Variants in HIP1 observed in about 807,000 individuals in gnomAD.
HIP1 encodes the protein huntingtin interacting protein 1, also known as huntingtin-interacting protein 1.
HIP1 carries 65 observed loss-of-function variants against 147.6 expected under a neutral mutation model. The ratio of observed to expected loss-of-function variants is 0.44; its 90% confidence interval spans 0.36 to 0.54. HIP1 has a LOEUF of 0.54. Among genes scored for constraint, HIP1 ranks in the 20% least tolerant of loss-of-function variants. The pLI, the probability that HIP1 is intolerant of heterozygous loss-of-function variation, is 0.00. For synonymous variants in HIP1, 479 were observed against 504.0 expected (o/e 0.95, Z 0.67); for missense variants, 1,061 against 1,299.6 (o/e 0.82, Z 2.82).
intron 1 of HIP1, among the ~76,000 whole-genome samples, chr7:75,613,534 C>G (rs928095536): frequency 5.3e-5 from 8 of 152,186 alleles, no homozygotes; most frequent in African/African-American, 1.9e-4. Context: ...TGGTAATTTA[C>G]TTCTCATCCG....
chr7:75,602,303 C>CATT (rs1338578461), intron 1 of HIP1, among the ~76,000 whole-genome samples: 1 of 77,266 alleles, frequency 1.3e-5, no homozygotes, highest in Non-Finnish European at 2.3e-5. Flanking sequence ...ACCTGGCCAG[C>CATT]TTTTTTTTTT....
At chr7:75,673,327 T>C (rs1400995553) in intron 1 of HIP1, among the ~76,000 whole-genome samples, 1 of 152,092 alleles carries the variant, frequency 6.6e-6, no homozygotes, top group Non-Finnish European at 1.5e-5. Context: ...CCGGCCTTGT[T>C]CTTCTTTTTC....
At chr7:75,698,360 C>A (rs919663585) in intron 1 of HIP1, among the ~76,000 whole-genome samples, 1 of 152,084 alleles carries the variant, frequency 6.6e-6, no homozygotes, top group Non-Finnish European at 1.5e-5. Context: ...AACTGAGGCA[C>A]AGAGAGACAA....
intron 1 of HIP1, among the ~76,000 whole-genome samples, chr7:75,642,890 G>A (rs1584913617): frequency 6.6e-6 from 1 of 152,304 alleles, no homozygotes; most frequent in East Asian, 1.9e-4. Context: ...TCAGGCCAAA[G>A]TTGGCCTCAC....
intron 8 of HIP1, among the ~76,000 whole-genome samples, chr7:75,573,007 G>A (rs1399727619): frequency 6.6e-6 from 1 of 152,212 alleles, no homozygotes; most frequent in Non-Finnish European, 1.5e-5. Flanking sequence ...GCCATGCATG[G>A]CAGCGGGAGG....
chr7:75,733,277 C>T (rs13233412), intron 1 of HIP1, among the ~76,000 whole-genome samples: 14 of 152,028 alleles, frequency 9.2e-5, no homozygotes, highest in Admixed American at 2.0e-4. Flanking sequence ...CTTTGAGTCA[C>T]GATGTCCTCA....
chr7:75,539,838 A>C (rs1554489522), intron 29 of HIP1, among the ~76,000 whole-genome samples: 1 of 152,174 alleles, frequency 6.6e-6, no homozygotes, highest in African/African-American at 2.4e-5. Flanking sequence ...CAAATGCCTA[A>C]ATGGTAGGTG....
chr7:75,685,641 T>C lies in HIP1; in HGVS notation c.120+53160A>G, dbSNP rs564199834. Among the ~76,000 whole-genome samples, 814 of 152,322 alleles carry C rather than the reference T, an allele frequency of 5.3e-3. 6 individuals carry two copies. Among genetic ancestry groups the C allele is most frequent in the Non-Finnish European group, 8.3e-3 (563 of 68,026 alleles). The stretch of plus-strand genomic sequence containing the variant: ...TCAGCTCATTGCAGCCTCCAACTCC[T>C]GGGTTCAAGCAATTCTCCTGCCTCA... On this transcript the variant is annotated intron_variant, in intron 1 of 30. Transcript: ENST00000336926.
intron 28 of HIP1, 23 bp downstream of exon 28, chr7:75,542,828 A>G (rs1554490182): frequency 6.2e-7 from 1 of 1,613,310 alleles, no homozygotes; most frequent in South Asian, 1.1e-5. Context: ...TGGGTAAGAA[A>G]AGGGTCCCTT....
chr7:75,565,737 CTTTTT>C (rs34786053), intron 9 of HIP1, among the ~76,000 whole-genome samples: 1 of 144,164 alleles, frequency 6.9e-6, no homozygotes, highest in Non-Finnish European at 1.5e-5. Context: ...CCCTCCTTTC[CTTTTT>C]TTTTTTTTGG....
Position 75,699,449 on chromosome 7 carries a change from AG to A in HIP1, c.120+39351del, listed in dbSNP as rs200998821. On this transcript the variant is annotated intron_variant, in intron 1 of 30. Coordinates refer to ENST00000336926, the MANE Select transcript of HIP1 (RefSeq NM_005338.7). Reference sequence around the variant, plus strand: ...TTTTCAGTGGATAGAACAAGGTTCTAGGCTGGTTCCATCAATGTGTTTCGGC... The same window carrying A: ...TTTTCAGTGGATAGAACAAGGTTCTAGCTGGTTCCATCAATGTGTTTCGGC... Among the ~76,000 whole-genome samples the A allele has an allele frequency of 6.2e-3, 944 of 152,282 alleles. 15 individuals are homozygous for A. The highest frequency in any genetic ancestry group is 0.021 in the African/African-American group (877 of 41,542).
At chr7:75,619,529 A>G (rs2117087389) in intron 1 of HIP1, among the ~76,000 whole-genome samples, 1 of 151,972 alleles carries the variant, frequency 6.6e-6, no homozygotes, top group African/African-American at 2.4e-5. Flanking sequence ...AAAAAAAAAA[A>G]AAGAGAAGAA....
intron 1 of HIP1, among the ~76,000 whole-genome samples, chr7:75,656,861 G>A (rs143863556): frequency 3.1e-4 from 47 of 152,254 alleles, no homozygotes; most frequent in African/African-American, 1.1e-3. Context: ...CTCTGAACAG[G>A]ACAATCTGGC....
chr7:75,648,994 G>A (rs954589703), intron 1 of HIP1, among the ~76,000 whole-genome samples: 1 of 151,966 alleles, frequency 6.6e-6, no homozygotes, highest in African/African-American at 2.4e-5. Context: ...TTTTTTCTTA[G>A]AGATGGGGTC....
At chr7:75,628,869 TCTG>T (rs1309839113) in intron 1 of HIP1, among the ~76,000 whole-genome samples, 7 of 152,186 alleles carry the variant, frequency 4.6e-5, no homozygotes, top group Non-Finnish European at 1.0e-4. Context: ...GTCCTCAGTG[TCTG>T]CTGACTCAGG....
chr7:75,652,331 C>A lies in HIP1; in HGVS notation c.121-53084G>T, dbSNP rs76452187. 9.8e-3 allele frequency among the ~76,000 whole-genome samples: 1,370 copies of A among 139,942 alleles called. 27 individuals are homozygous for A. Among genetic ancestry groups the A allele is most frequent in the African/African-American group, 0.034 (1,267 of 37,290 alleles). 91.8% of individuals were successfully genotyped at this position (139,942 alleles called of 152,430 possible). A position where few individuals can be genotyped will look rare whatever the true frequency, so the allele number is the denominator to read the frequency against. On this transcript the variant is annotated intron_variant, in intron 1 of 30. Coordinates refer to ENST00000336926, the MANE Select transcript of HIP1 (RefSeq NM_005338.7). ...GACTGTCTCAAAAAAAAAAAAAAAA[C>A]CACTATATGTATGTTAATTTTTTCA...
At chr7:75,680,499 G>T (rs960465890) in intron 1 of HIP1, among the ~76,000 whole-genome samples, 3 of 152,084 alleles carry the variant, frequency 2.0e-5, no homozygotes, top group African/African-American at 7.2e-5. Flanking sequence ...TCTTTCTGGG[G>T]TTGCCACTAT....
At chr7:75,557,852 T>G in intron 15 of HIP1, 82 bp from the exon 16 acceptor site, 1 of 1,047,864 alleles carries the variant, frequency 9.5e-7, no homozygotes, top group Non-Finnish European at 1.5e-6. Context: ...ATACTCAGGC[T>G]GTGCGTGCCC....
At chr7:75,702,990 G>A (rs1800882006) in intron 1 of HIP1, among the ~76,000 whole-genome samples, 1 of 152,150 alleles carries the variant, frequency 6.6e-6, no homozygotes, top group Admixed American at 6.6e-5. Flanking sequence ...AGGTTTGAAG[G>A]AGGTCAAACA....
Sources: gnomAD v4.1 joint callset for allele counts (sites outside exome capture counted in the v4.1 genomes callset) on GRCh38, gnomAD v4.1.1 for gene constraint, MANE v1.5 for transcripts, NCBI Gene and HGNC (gene_info 2026-07-23, HGNC 2026-07-21) for gene names.